DHX36: variants seen among roughly 807,000 people sequenced by gnomAD.
DHX36 encodes the protein DEAH-box helicase 36.
In DHX36, 50 loss-of-function variants were observed where a neutral mutation model predicts 139.0. The observed-to-expected ratio is 0.36, with a 90% CI of 0.29 to 0.46. DHX36 has a LOEUF of 0.46. Among genes scored for constraint, DHX36 ranks in the 20% least tolerant of loss-of-function variants. The pLI is 1.00. For synonymous variants in DHX36, 425 were observed against 401.9 expected, an observed-to-expected ratio of 1.06 and a Z score of -0.69; for missense variants, 1,024 against 1,211.3, an observed-to-expected ratio of 0.85 and a Z score of 2.29.
chr3:154,285,083 C>G lies in DHX36; in HGVS notation c.2032-96G>C, dbSNP rs181172413. ...TTAAAAAGAGTAACAAGCCACTACTCTCTCTTCTAAGTCCAAATGCCCAAA... is the reference window on the plus strand; with the variant it reads ...TTAAAAAGAGTAACAAGCCACTACTGTCTCTTCTAAGTCCAAATGCCCAAA... On this transcript the variant is annotated intron_variant, in intron 17 of 24. Coordinates refer to ENST00000496811, the MANE Select transcript of DHX36 (RefSeq NM_020865.3). 6.3e-5 allele frequency: 81 copies of G among 1,290,410 alleles called. No individual in the cohort carries two copies. The African/African-American group carries it at 1.0e-3, about 17-fold the overall frequency. 79.9% of individuals were successfully genotyped at this position (1,290,410 alleles called of 1,614,324 possible).
At position 154,295,267 on chromosome 3, in the gene DHX36, G is replaced by T; in HGVS notation, c.1605+17C>A. Reference sequence around the variant, plus strand: ...TCAGTTTGAAATACATTTAACAAATGTATCCATTTAACATACCTGTGTCTG... The same window carrying T: ...TCAGTTTGAAATACATTTAACAAATTTATCCATTTAACATACCTGTGTCTG... On this transcript the variant is annotated intron_variant, in intron 13 of 24. Transcript: ENST00000496811. 2 of 1,491,710 alleles carry T rather than the reference G, an allele frequency of 1.3e-6. No homozygotes were observed. Among genetic ancestry groups the T allele is most frequent in the Non-Finnish European group, 1.8e-6 (2 of 1,095,202 alleles). 92.4% of individuals were successfully genotyped at this position (1,491,710 alleles called of 1,614,324 possible).
At chr3:154,291,243 T>A (rs1467507074) in intron 15 of DHX36, among the ~76,000 whole-genome samples, 1 of 151,616 alleles carries the variant, frequency 6.6e-6, no homozygotes, top group Non-Finnish European at 1.5e-5. Flanking sequence ...TTTTTATCCA[T>A]GGAGCCTACA....
intron 17 of DHX36, among the ~76,000 whole-genome samples, chr3:154,288,460 G>A (rs74957435): frequency 0.015 from 2,299 of 152,080 alleles, 40 homozygotes; most frequent in South Asian, 0.044. Context: ...GGTAGGAAGG[G>A]GGCTTTTAGC....
chr3:154,299,623 G>GAA lies in DHX36; in HGVS notation c.1549+213_1549+214dup, dbSNP rs547473811. ...TTTTTGCAGCAGTAAGTGAAAAAAT[G>GAA]AAAAACCTCACATACCTATGCTTTA... On this transcript the variant is annotated intron_variant, in intron 12 of 24. Coordinates refer to ENST00000496811, the MANE Select transcript of DHX36 (RefSeq NM_020865.3). The GAA allele has an allele frequency of 1.2e-3, 613 of 508,062 alleles. 1 individual carries two copies. Among genetic ancestry groups the GAA allele is most frequent in the African/African-American group, 0.01 (537 of 51,242 alleles). 31.5% of individuals were successfully genotyped at this position (508,062 alleles called of 1,614,324 possible). A position where few individuals can be genotyped will look rare whatever the true frequency, so the allele number is the denominator to read the frequency against.
chr3:154,292,431 T>C, intron 15 of DHX36, 120 bp downstream of exon 15: 20 of 1,376,044 alleles, frequency 1.5e-5, no homozygotes, highest in Non-Finnish European at 2.0e-5. Flanking sequence ...TGTTTTGCAA[T>C]AAGCTCAAAA....
chr3:154,293,833 G>C lies in DHX36; in HGVS notation c.1606-21C>G, dbSNP rs755898683. ...AACACCTGTAAAAATAAATACATCA[G>C]AATCACAAAAGTACACTAACTTCTA... is the stretch of plus-strand genomic sequence containing the variant. On this transcript the variant is annotated intron_variant, in intron 13 of 24. Transcript: ENST00000496811. 8 of 1,568,834 alleles carry C rather than the reference G, an allele frequency of 5.1e-6. No homozygotes were observed. In the South Asian group the frequency reaches 7.8e-5, roughly 15 times the overall value.
chr3:154,295,333 A>T lies in DHX36; in HGVS notation c.1556T>A (p.Phe519Tyr). ...MSQVMFKSDK[F>Y]LIIPLHSLMP... ...CAGTGAATGTAAAGGTATAATTAAAAATTTATCTGAAAATTAAAGAGAATT... is the reference window on the plus strand; with the variant it reads ...CAGTGAATGTAAAGGTATAATTAAATATTTATCTGAAAATTAAAGAGAATT... The change falls in exon 13 of 25, where the codon TTT becomes TAT. Residue 519 changes from phenylalanine to tyrosine, a missense_variant. This residue lies in a region of DHX36 where 470 missense variants were observed against 616.2 expected (regional missense o/e 0.76). Transcript: ENST00000496811. The T allele has an allele frequency of 6.6e-7, 1 of 1,508,432 alleles. No individual in the cohort carries two copies. The highest frequency in any genetic ancestry group is 1.3e-5 in the South Asian group (1 of 79,800). 93.4% of individuals were successfully genotyped at this position (1,508,432 alleles called of 1,614,324 possible).
Position 154,280,574 on chromosome 3 carries a change from C to T in DHX36, c.2567+5G>A, listed in dbSNP as rs1362569006. On this transcript the variant is annotated splice_donor_5th_base_variant and intron_variant, in intron 22 of 24. Transcript: ENST00000496811. ...GAGTAATTAATAATAATCTTCAATG[C>T]TTACATTTTTCTTTTTTTACCCAAA... 3 of 1,586,616 alleles carry T rather than the reference C, an allele frequency of 1.9e-6. No individual in the cohort carries two copies. The South Asian group carries it at 3.4e-5, about 18-fold the overall frequency.
Position 154,288,957 on chromosome 3 carries a change from C to T in DHX36, c.1940G>A (p.Arg647Lys), listed in dbSNP as rs535950163. The T allele has an allele frequency of 1.1e-5, 17 of 1,545,574 alleles. No individual in the cohort carries two copies. The South Asian group carries it at 1.7e-4, about 15-fold the overall frequency. ...CAGAAAATAAGCAATTCCACCTAGCCTTAAAATCTAAGTGGGGGAGACAAA... is the reference window on the plus strand; with the variant it reads ...CAGAAAATAAGCAATTCCACCTAGCTTTAAAATCTAAGTGGGGGAGACAAA... ...EELCLQIKIL[R>K]LGGIAYFLSR... Residue 647 changes from arginine to lysine, a missense_variant, in exon 17 of 25, where the codon AGG becomes AAG. This residue lies in a region of DHX36 where 470 missense variants were observed against 616.2 expected (regional missense o/e 0.76). Transcript: ENST00000496811.
rs1711589106 is a variant in DHX36 at position 154,287,550 on chromosome 3, T to C, written c.2031+1316A>G. ...GGTGCCTGTAATCCCAGCAGGAGGC[T>C]GAGGCAGGAGAATCGCTTGAATCTG... On this transcript the variant is annotated intron_variant, in intron 17 of 24. Transcript: ENST00000496811. 2.0e-5 allele frequency among the ~76,000 whole-genome samples: 3 copies of C among 151,898 alleles called. No homozygotes were observed. In the South Asian group the frequency reaches 6.2e-4, roughly 32 times the overall value.
chr3:154,280,738 ATT>A, intron 21 of DHX36, 23 bp downstream of exon 21: 1 of 1,607,918 alleles, frequency 6.2e-7, no homozygotes, highest in Non-Finnish European at 8.5e-7. Flanking sequence ...AAAGATACTT[ATT>A]TACACTGTGT....
chr3:154,286,098 TA>T (rs1711540489), intron 17 of DHX36, among the ~76,000 whole-genome samples: 1 of 119,882 alleles, frequency 8.3e-6, no homozygotes, highest in African/African-American at 3.3e-5. Flanking sequence ...AGATATTTGA[TA>T]AAACTGATTA....
chr3:154,277,457 T>C, intron 23 of DHX36, 141 bp downstream of exon 23: 1 of 682,554 alleles, frequency 1.5e-6, no homozygotes, highest in Admixed American at 3.5e-5. Context: ...AGGTTATTTG[T>C]TAGAGGGAAA....
Position 154,324,378 on chromosome 3 carries a change from C to T in DHX36, c.39G>A (p.Gly13=). 6.3e-7 allele frequency: 1 copy of T among 1,585,882 alleles called. No individual in the cohort carries two copies. The highest frequency in any genetic ancestry group is 8.6e-7 in the Non-Finnish European group (1 of 1,163,518). The stretch of plus-strand genomic sequence containing the variant: ...AGCCCCCACCGGAGCTGCGGGGACC[C>T]CCATCACGGCCCCAGTTCTGATGGT... The part of the protein sequence containing the change: ...YDYHQNWGRD[G]GPRSSGGGYG... The change falls in exon 1 of 25, where the codon GGG becomes GGA. Residue 13 remains glycine, a synonymous_variant. Transcript: ENST00000496811.
intron 1 of DHX36, chr3:154,319,165 T>G (rs1040390137): frequency 6.6e-6 from 1 of 152,162 alleles, no homozygotes; most frequent in Non-Finnish European, 1.5e-5. Context: ...CACGCTTCAC[T>G]TTATTTCACT....
At chr3:154,311,123 G>C (rs1239134014) in intron 4 of DHX36, among the ~76,000 whole-genome samples, 1 of 151,132 alleles carries the variant, frequency 6.6e-6, no homozygotes, top group South Asian at 2.1e-4. Context: ...ACAGATGTCA[G>C]GTGGTAACAA....
At chr3:154,320,818 G>C (rs1713160793) in intron 1 of DHX36, among the ~76,000 whole-genome samples, 1 of 152,158 alleles carries the variant, frequency 6.6e-6, no homozygotes, top group Non-Finnish European at 1.5e-5. Flanking sequence ...TCTCACCTTA[G>C]TTACTGCAAG....
At chr3:154,306,537 C>CATCACTAG (rs2108356896) in intron 5 of DHX36, among the ~76,000 whole-genome samples, 1 of 152,220 alleles carries the variant, frequency 6.6e-6, no homozygotes, top group African/African-American at 2.4e-5. Flanking sequence ...TTCAAAGTGC[C>CATCACTAG]TTTCTATAGC....
chr3:154,295,931 C>T (rs928509235), intron 12 of DHX36, among the ~76,000 whole-genome samples: 2 of 151,886 alleles, frequency 1.3e-5, no homozygotes, highest in East Asian at 1.9e-4. Context: ...CCATGTTTGG[C>T]TAATTTTTGT....
Sources: allele counts gnomAD v4.1 joint callset (sites outside exome capture counted in the v4.1 genomes callset), GRCh38; gene constraint gnomAD v4.1.1; regional missense constraint gnomAD v4.1.1; transcripts MANE v1.5; gene names NCBI Gene and HGNC (gene_info 2026-07-23, HGNC 2026-07-21).